USP8: variants seen among roughly 807,000 people sequenced by gnomAD.
The protein encoded by USP8 is ubiquitin carboxyl-terminal hydrolase 8.
USP8 carries 27 observed loss-of-function variants against 130.0 expected under a neutral mutation model. The ratio of observed to expected loss-of-function variants is 0.21; its 90% CI spans 0.15 to 0.29. USP8 has a LOEUF of 0.29. Among genes scored for constraint, USP8 ranks in the 10% least tolerant of loss-of-function variants. USP8 has a pLI of 1.00. For missense variants in USP8, 1,029 were observed against 1,312.2 expected (o/e 0.78, Z 3.33); for synonymous variants, 392 against 444.1 (o/e 0.88, Z 1.48).
chr15:50,459,457 G>T (rs2050910428), intron 5 of USP8, among the ~76,000 whole-genome samples: 2 of 152,066 alleles, frequency 1.3e-5, no homozygotes, highest in Admixed American at 1.3e-4. Context: ...GGTGGTGCAT[G>T]CCTGTAGTCC....
At position 50,449,495 on chromosome 15, in the gene USP8, T is replaced by A; in HGVS notation, c.335+10T>A. The A allele has an allele frequency of 6.8e-7, 1 of 1,481,072 alleles. No individual in the cohort carries two copies. Among genetic ancestry groups the A allele is most frequent in the Non-Finnish European group, 9.1e-7 (1 of 1,095,980 alleles). The allele number at this position is 1,481,072 out of a possible 1,614,324, so 91.7% of individuals were successfully genotyped here. On this transcript the variant is annotated intron_variant, in intron 4 of 19. Coordinates refer to ENST00000307179, the MANE Select transcript of USP8 (RefSeq NM_005154.5). ...AAAGCCTTAAATTAAGGTACAGATA[T>A]TATGAAATATTTAAAATAATGTAAA...
rs2052535634 is a variant in USP8, at chr15:50,499,455, A to ATACTC, written c.*370_*374dup. 2 of 160,422 alleles carry ATACTC rather than the reference A, an allele frequency of 1.2e-5. No individual in the cohort carries two copies. The highest frequency in any genetic ancestry group is 2.4e-5 in the African/African-American group (1 of 41,730). The allele number at this position is 160,422 out of a possible 1,614,324, so 9.9% of individuals were successfully genotyped here. A position where few individuals can be genotyped will look rare whatever the true frequency, so the allele number is the denominator to read the frequency against. ...TAAATCCCATCTTGATATACTATGA[A>ATACTC]TACTCTAGAATGATGTAAAGCAGAT... On this transcript the variant is annotated 3_prime_UTR_variant, in exon 20 of 20. Coordinates refer to ENST00000307179, the MANE Select transcript of USP8 (RefSeq NM_005154.5).
intron 7 of USP8, chr15:50,466,761 A>G (rs1017704051): frequency 7.5e-5 from 18 of 239,978 alleles, no homozygotes; most frequent in African/African-American, 3.9e-4. Flanking sequence ...GATGCTGGAA[A>G]AACACCCATG....
At chr15:50,476,289 C>T (rs1038759376) in intron 8 of USP8, among the ~76,000 whole-genome samples, 3 of 152,188 alleles carry the variant, frequency 2.0e-5, no homozygotes, top group Admixed American at 6.5e-5. Context: ...ATTAGCTGGC[C>T]GTGTTGGCGC....
At chr15:50,492,146 A>G (rs2052199140) in intron 14 of USP8, among the ~76,000 whole-genome samples, 1 of 152,142 alleles carries the variant, frequency 6.6e-6, no homozygotes, top group Non-Finnish European at 1.5e-5. Context: ...ATAGACAGCC[A>G]TTGAGCCCAG....
At position 50,441,439 on chromosome 15, in the gene USP8, A is replaced by G; in HGVS notation, c.195A>G (p.Lys65=). 3 of 1,600,728 alleles carry G rather than the reference A, an allele frequency of 1.9e-6. No individual in the cohort carries two copies. Among genetic ancestry groups the G allele is most frequent in the Non-Finnish European group, 2.6e-6 (3 of 1,176,386 alleles). ...AAAGGGCCTATGTACTATATATGAA[A>G]TACGTGACTGTTTATAATCTTATCA... ...DEERAYVLYM[K]YVTVYNLIKK... is the part of the protein sequence containing the mutation. Residue 65 remains lysine, a synonymous_variant, in exon 3 of 20, where the codon AAA becomes AAG. Coordinates refer to ENST00000307179, the MANE Select transcript of USP8 (RefSeq NM_005154.5).
intron 6 of USP8, among the ~76,000 whole-genome samples, chr15:50,464,764 G>A (rs1361328425): frequency 6.6e-6 from 1 of 152,212 alleles, no homozygotes; most frequent in African/African-American, 2.4e-5. Context: ...TGAGGCAGGA[G>A]AATCACTTGA....
At chr15:50,473,954 C>CCTTT (rs1167840992) in intron 8 of USP8, among the ~76,000 whole-genome samples, 1 of 151,970 alleles carries the variant, frequency 6.6e-6, no homozygotes, top group East Asian at 1.9e-4. Flanking sequence ...CCTGCCTCGT[C>CCTTT]CTTTCCAAGT....
At chr15:50,434,327 TC>T (rs1375122953) in intron 1 of USP8, among the ~76,000 whole-genome samples, 1 of 151,904 alleles carries the variant, frequency 6.6e-6, no homozygotes, top group African/African-American at 2.4e-5. Context: ...GGTCTCAAAC[TC>T]CCGACCTCAA....
In USP8 at chr15:50,511,215, T is replaced by C. The variant is rs1309996790; in HGVS notation, c.*12127T>C. 1 of 152,142 alleles carries C rather than the reference T, an allele frequency of 6.6e-6. No homozygotes were observed. Among genetic ancestry groups the C allele is most frequent in the Admixed American group, 6.5e-5 (1 of 15,268 alleles). The allele number at this position is 152,142 out of a possible 1,614,324, so 9.4% of individuals were successfully genotyped here. ...ATTAGGAAAATGCAACTCAAAACCA[T>C]GACATACCAGTTCATACCTACTTTG... On this transcript the variant is annotated 3_prime_UTR_variant, in exon 20 of 20. Coordinates refer to ENST00000307179, the MANE Select transcript of USP8 (RefSeq NM_005154.5).
At position 50,500,825 on chromosome 15, in the gene USP8, C is replaced by T. The variant is rs575515579; in HGVS notation, c.*1737C>T. On this transcript the variant is annotated 3_prime_UTR_variant, in exon 20 of 20. Transcript: ENST00000307179. ...GCAGTGTAGTGGCCACCATCCAAAT[C>T]ACCAAAATGGTTCTATGGGAGAAAG... is the stretch of plus-strand genomic sequence containing the variant. 141 of 1,582,744 alleles carry T rather than the reference C, an allele frequency of 8.9e-5. No homozygotes were observed. Among genetic ancestry groups the T allele is most frequent in the Non-Finnish European group, 1.2e-4 (137 of 1,163,674 alleles).
chr15:50,511,970 C>A lies in USP8; in HGVS notation c.*12882C>A, dbSNP rs2052744249. The A allele has an allele frequency of 6.6e-6, 1 of 152,028 alleles. No homozygotes were observed. Among genetic ancestry groups the A allele is most frequent in the Admixed American group, 6.6e-5 (1 of 15,252 alleles). 9.4% of individuals were successfully genotyped at this position (152,028 alleles called of 1,614,324 possible). On this transcript the variant is annotated 3_prime_UTR_variant, in exon 20 of 20. Transcript: ENST00000307179. Reference sequence around the variant, plus strand: ...CTGAGATTGCACCATTGCACTCCAGCCTGAGCAAGAGTGAGATATTGTCTC... The same window carrying A: ...CTGAGATTGCACCATTGCACTCCAGACTGAGCAAGAGTGAGATATTGTCTC...
rs1037287669 is a variant in USP8, at chr15:50,506,425, AAC to A, written c.*7339_*7340del. 5 of 152,182 alleles carry A rather than the reference AAC, an allele frequency of 3.3e-5. No homozygotes were observed. The highest frequency in any genetic ancestry group is 1.2e-4 in the African/African-American group (5 of 41,432). 9.4% of individuals were successfully genotyped at this position (152,182 alleles called of 1,614,324 possible). A position where few individuals can be genotyped will look rare whatever the true frequency, so the allele number is the denominator to read the frequency against. ...TCTACTGCCTGATTTTCTGAGGTGGAACAGTTTAATCCCAAAACCATGCCCGC... is the reference window on the plus strand; with the variant it reads ...TCTACTGCCTGATTTTCTGAGGTGGAAGTTTAATCCCAAAACCATGCCCGC... On this transcript the variant is annotated 3_prime_UTR_variant, in exon 20 of 20. Coordinates refer to ENST00000307179, the MANE Select transcript of USP8 (RefSeq NM_005154.5).
intron 1 of USP8, among the ~76,000 whole-genome samples, chr15:50,429,071 G>T (rs2049841736): frequency 6.6e-6 from 1 of 152,090 alleles, no homozygotes; most frequent in South Asian, 2.1e-4. Context: ...TAAAACTTAT[G>T]AATTGTTTAT....
chr15:50,461,143 C>T (rs1038066136), intron 5 of USP8, among the ~76,000 whole-genome samples: 6 of 152,098 alleles, frequency 3.9e-5, no homozygotes, highest in Non-Finnish European at 2.9e-5. Context: ...TAGGAATGCA[C>T]CACCACGCCC....
intron 7 of USP8, among the ~76,000 whole-genome samples, chr15:50,466,558 G>A (rs2051194995): frequency 6.7e-6 from 1 of 150,182 alleles, no homozygotes; most frequent in African/African-American, 2.5e-5. Flanking sequence ...TCACGGCACT[G>A]CACTCCAGCC....
intron 6 of USP8, chr15:50,463,608 T>C (rs2051085690): frequency 6.6e-6 from 1 of 152,250 alleles, no homozygotes; most frequent in African/African-American, 2.4e-5. Flanking sequence ...TTAGTTTTTA[T>C]GCATTTGTTC....
At chr15:50,429,819 A>T (rs2049872048) in intron 1 of USP8, among the ~76,000 whole-genome samples, 1 of 152,130 alleles carries the variant, frequency 6.6e-6, no homozygotes, top group Admixed American at 6.6e-5. Context: ...TGGGATTGAG[A>T]ACTATGTTTT....
Position 50,481,827 on chromosome 15 carries a change from A to T in USP8, c.1565A>T (p.Lys522Ile). Residue 522 changes from lysine to isoleucine, a missense_variant, in exon 11 of 20, where the codon AAA becomes ATA. Lys to Ile is a moderately radical substitution (Grantham distance 102, BLOSUM62 -3). Coordinates refer to ENST00000307179, the MANE Select transcript of USP8 (RefSeq NM_005154.5). ...NEITEKQQKAKEEMEKKESEQ... is the reference protein window; with the variant it reads ...NEITEKQQKAIEEMEKKESEQ... ...ATTACAGAGAAGCAACAAAAAGCAA[A>T]AGAAGAAATGGAGAAGAAAGAAAGT... is the stretch of plus-strand genomic sequence containing the variant. 6.5e-7 allele frequency: 1 copy of T among 1,527,032 alleles called. No homozygotes were observed. The highest frequency in any genetic ancestry group is 8.7e-7 in the Non-Finnish European group (1 of 1,143,152). The allele number at this position is 1,527,032 out of a possible 1,614,324, so 94.6% of individuals were successfully genotyped here.
Sources: gnomAD v4.1 joint callset for allele counts (sites outside exome capture counted in the v4.1 genomes callset) on GRCh38, gnomAD v4.1.1 for gene constraint, MANE v1.5 for transcripts, NCBI Gene and HGNC (gene_info 2026-07-23, HGNC 2026-07-21) for gene names.